ACP3: variants seen among roughly 807,000 people sequenced by gnomAD.
ACP3 encodes the protein acid phosphatase 3, also known as prostatic acid phosphatase.
ACP3 carries 38 observed loss-of-function variants against 45.6 expected under a neutral mutation model. That is an observed-to-expected ratio of 0.83 (90% confidence interval 0.64 to 1.09). The LOEUF (loss-of-function observed/expected upper bound fraction) is 1.09. ACP3 is among the 50% of genes least tolerant of loss of function. ACP3 has a pLI of 0.00. For missense variants in ACP3, 466 were observed against 463.2 expected, an observed-to-expected ratio of 1.01 and a Z score of -0.05; for synonymous variants, 162 against 164.7, an observed-to-expected ratio of 0.98 and a Z score of 0.13.
downstream of ACP3, among the ~76,000 whole-genome samples, chr3:132,359,244 G>A (rs1937987289): frequency 6.6e-6 from 1 of 152,214 alleles, no homozygotes; most frequent in Non-Finnish European, 1.5e-5. Context: ...CAGGCGAGGT[G>A]GCTCAGGCCT....
intron 10 of ACP3, among the ~76,000 whole-genome samples, chr3:132,365,395 G>T (rs1384602333): frequency 6.6e-6 from 1 of 152,184 alleles, no homozygotes; most frequent in African/African-American, 2.4e-5. Context: ...GGGATGTGTG[G>T]GAGAGCATTC....
Position 132,352,754 on chromosome 3 carries a change from T to C in ACP3, c.899T>C (p.Leu300Pro), listed in dbSNP as rs774858797. ...DTTVSGLQMA[L>P]DVYNGLLPPY... is the part of the protein sequence containing the mutation. ...ACTGTGAGTGGCCTACAGATGGCGC[T>C]AGATGTTTACAACGGACTCCTTCCT... is the stretch of plus-strand genomic sequence containing the variant. Residue 300 changes from leucine to proline, a missense_variant, in exon 9 of 10, where the codon CTA (leucine) becomes CCA (proline). Leu to Pro is a moderately conservative substitution (Grantham distance 98). Transcript: ENST00000336375. 3.1e-6 allele frequency: 5 copies of C among 1,613,936 alleles called. No individual in the cohort carries two copies. Among genetic ancestry groups the C allele is most frequent in the Non-Finnish European group, 4.2e-6 (5 of 1,179,824 alleles).
rs1937132715 is a variant in ACP3 at position 132,317,580 on chromosome 3, A to G, written c.120+4A>G. The G allele has an allele frequency of 6.2e-7, 1 of 1,609,208 alleles. No individual in the cohort carries two copies. The highest frequency in any genetic ancestry group is 1.7e-5 in the Admixed American group (1 of 59,290). On this transcript the variant is annotated splice_donor_region_variant and intron_variant, in intron 1 of 9. Transcript: ENST00000336375. Reference sequence around the variant, plus strand: ...GGAGTTGAAGTTTGTGACTTTGGTAAGTAGACTTTTCTCATTGCTTTTTCC... The same window carrying G: ...GGAGTTGAAGTTTGTGACTTTGGTAGGTAGACTTTTCTCATTGCTTTTTCC...
At chr3:132,366,281 C>G (rs1938130090) in intron 10 of ACP3, among the ~76,000 whole-genome samples, 1 of 138,038 alleles carries the variant, frequency 7.2e-6, no homozygotes, top group African/African-American at 2.8e-5. Context: ...GCTTGGGTGA[C>G]AGAGTGAAAC....
At chr3:132,353,122 G>C (rs1416024525) in intron 9 of ACP3, among the ~76,000 whole-genome samples, 2 of 152,066 alleles carry the variant, frequency 1.3e-5, no homozygotes, top group African/African-American at 4.8e-5. Context: ...ATATATACTT[G>C]GCAAGAGAAA....
At chr3:132,363,458 A>C (rs555173859), downstream of ACP3, among the ~76,000 whole-genome samples, 1 of 152,306 alleles carries the variant, frequency 6.6e-6, no homozygotes, top group South Asian at 2.1e-4. Flanking sequence ...CCTTACCAGT[A>C]TATGTAGCCT....
chr3:132,346,431 G>A (rs1430140877), intron 7 of ACP3, among the ~76,000 whole-genome samples: 1 of 152,168 alleles, frequency 6.6e-6, no homozygotes, highest in African/African-American at 2.4e-5. Context: ...CTGATTGCAT[G>A]GCACAGAGAC....
intron 2 of ACP3, among the ~76,000 whole-genome samples, chr3:132,331,286 A>G (rs941073605): frequency 1.3e-5 from 2 of 152,216 alleles, no homozygotes; most frequent in African/African-American, 2.4e-5. Flanking sequence ...TTCTTCCACA[A>G]AATCCCCACC....
intron 6 of ACP3, among the ~76,000 whole-genome samples, chr3:132,343,640 C>T (rs1214103499): frequency 6.6e-6 from 1 of 152,096 alleles, no homozygotes; most frequent in Non-Finnish European, 1.5e-5. Flanking sequence ...GGTCACTCCA[C>T]TTTGGTCTCC....
At chr3:132,349,343 C>T (rs1297413478) in intron 7 of ACP3, among the ~76,000 whole-genome samples, 1 of 152,120 alleles carries the variant, frequency 6.6e-6, no homozygotes, top group Non-Finnish European at 1.5e-5. Flanking sequence ...AATAGTGACA[C>T]CTAGGGTAAC....
chr3:132,332,099 T>A lies in ACP3; in HGVS notation c.304-93T>A, dbSNP rs2285061. 1.1e-4 allele frequency: 153 copies of A among 1,335,640 alleles called. No individual in the cohort carries two copies. The East Asian group carries it at 2.9e-3, about 26-fold the overall frequency. The allele number at this position is 1,335,640 out of a possible 1,614,324, so 82.7% of individuals were successfully genotyped here. ...AATGTCTGTAATATTTCACTGTGGG[T>A]GTCCTTTCCTTTCTCTAATACCTTG... On this transcript the variant is annotated intron_variant, in intron 3 of 9. Transcript: ENST00000336375.
chr3:132,346,971 A>T (rs1475239000), intron 7 of ACP3, among the ~76,000 whole-genome samples: 1 of 152,200 alleles, frequency 6.6e-6, no homozygotes, highest in Non-Finnish European at 1.5e-5. Flanking sequence ...AGATGTAGGG[A>T]TGTGTATGTA....
At chr3:132,337,921 T>G (rs1401133071) in intron 5 of ACP3, among the ~76,000 whole-genome samples, 2 of 152,324 alleles carry the variant, frequency 1.3e-5, no homozygotes, top group East Asian at 3.9e-4. Context: ...AGTCTTTTTT[T>G]TTTGTTTCTA....
At chr3:132,320,649 TG>T (rs202039528) in intron 1 of ACP3, among the ~76,000 whole-genome samples, 1 of 108,246 alleles carries the variant, frequency 9.2e-6, no homozygotes, top group African/African-American at 3.7e-5. Context: ...ATAATATTCT[TG>T]GGTTTTTTTT....
rs576751333 is a variant in ACP3, at chr3:132,327,692, G to A, written c.121-575G>A. On this transcript the variant is annotated intron_variant, in intron 1 of 9. Transcript: ENST00000336375. ...AAATTAGCTGGGCGTGGTGGCAAGCGCCTGTAGTCCCAGCTACTCAGGCGG... is the reference window on the plus strand; with the variant it reads ...AAATTAGCTGGGCGTGGTGGCAAGCACCTGTAGTCCCAGCTACTCAGGCGG... Among the ~76,000 whole-genome samples the A allele has an allele frequency of 1.6e-3, 239 of 151,902 alleles. 1 individual carries two copies. The highest frequency in any genetic ancestry group is 5.5e-3 in the African/African-American group (228 of 41,420).
intron 1 of ACP3, 55 bp from the exon 2 acceptor site, chr3:132,328,211 AG>A: frequency 7.1e-7 from 1 of 1,411,568 alleles, no homozygotes; most frequent in African/African-American, 1.4e-5. Context: ...TATAATGAGC[AG>A]AAGCAAAACA....
At position 132,335,230 on chromosome 3, in the gene ACP3, G is replaced by A. The variant is rs146055647; in HGVS notation, c.457-2226G>A. Among the ~76,000 whole-genome samples, 399 of 152,202 alleles carry A rather than the reference G, an allele frequency of 2.6e-3. 1 individual carries two copies. The highest frequency in any genetic ancestry group is 8.8e-3 in the African/African-American group (364 of 41,524). The stretch of plus-strand genomic sequence containing the variant: ...CAAAAGAAACCTGTATACATTCTTC[G>A]GTATTACGCACATGTGATGAGTGGT... On this transcript the variant is annotated intron_variant, in intron 4 of 9. Coordinates refer to ENST00000336375, the MANE Select transcript of ACP3 (RefSeq NM_001099.5).
chr3:132,367,669 A>C (rs1938152006), intron 10 of ACP3: 4 of 1,492,500 alleles, frequency 2.7e-6, no homozygotes, highest in Non-Finnish European at 3.7e-6. Flanking sequence ...CTAATGCATT[A>C]ATTTTACATT....
chr3:132,323,272 G>A (rs1937237339), intron 1 of ACP3, among the ~76,000 whole-genome samples: 1 of 151,974 alleles, frequency 6.6e-6, no homozygotes, highest in African/African-American at 2.4e-5. Flanking sequence ...TAATGTACCT[G>A]GAAGTACTAG....
Sources: allele counts gnomAD v4.1 joint callset (sites outside exome capture counted in the v4.1 genomes callset), GRCh38; gene constraint gnomAD v4.1.1; transcripts MANE v1.5; gene names NCBI Gene and HGNC (gene_info 2026-07-23, HGNC 2026-07-21).